Variants in DRC11 observed in about 807,000 individuals in gnomAD.
The protein encoded by DRC11 is dynein regulatory complex subunit 11, also known as IQ and AAA domain-containing protein 1.
chr2:236,333,795 G>A, the DRC11 span, among the ~76,000 whole-genome samples: 2 of 152,156 alleles, frequency 1.3e-5, no homozygotes, highest in Non-Finnish European at 2.9e-5. This position sits in a 1 kb window ranked among gnomAD's most constrained non-coding sequence, Gnocchi z 6.0. Flanking sequence ...GTAATCACTC[G>A]ATGAGTAGAG....
At chr2:236,327,035 T>A in the DRC11 span, among the ~76,000 whole-genome samples, 1 of 152,006 alleles carries the variant, frequency 6.6e-6, no homozygotes, top group Non-Finnish European at 1.5e-5. Context: ...TCATTTTGAA[T>A]GGGAAGTTTT....
chr2:236,354,572 C>T, the DRC11 span, among the ~76,000 whole-genome samples: 3 of 152,136 alleles, frequency 2.0e-5, no homozygotes, highest in Non-Finnish European at 2.9e-5. Context: ...TTGGAGAAGC[C>T]TGTGTGCAAA....
chr2:236,385,690 A>C, the DRC11 span, among the ~76,000 whole-genome samples: 1 of 7,672 alleles, frequency 1.3e-4, no homozygotes, highest in Non-Finnish European at 2.4e-4. Flanking sequence ...CAGAACTTCC[A>C]ACACTATGTT....
chr2:236,343,481 G>A, the DRC11 span, among the ~76,000 whole-genome samples: 22,876 of 152,248 alleles, frequency 0.15, 1,985 homozygotes, highest in Non-Finnish European at 0.21. The surrounding 1 kb of genome is among the most constrained non-coding windows in gnomAD (Gnocchi z 6.6). Context: ...CACACAGCCA[G>A]CTGTGTGAAT....
At chr2:236,357,203 A>ATATATCTATATATTATG in the DRC11 span, among the ~76,000 whole-genome samples, 3 of 110,368 alleles carry the variant, frequency 2.7e-5, no homozygotes, top group Admixed American at 3.2e-4. Flanking sequence ...ATTATAAATT[A>ATATATCTATATATTATG]TATTCATATA....
the DRC11 span, among the ~76,000 whole-genome samples, chr2:236,457,564 G>C: frequency 6.6e-6 from 1 of 152,190 alleles, no homozygotes; most frequent in Non-Finnish European, 1.5e-5. This position sits in a 1 kb window ranked among gnomAD's most constrained non-coding sequence, Gnocchi z 4.7. Context: ...GTCTGTAAAT[G>C]GTATCATATA....
chr2:236,503,583 A>ATTCAAAGCTG, the DRC11 span: 1 of 1,503,824 alleles, frequency 6.6e-7, no homozygotes, highest in Non-Finnish European at 9.1e-7. This position sits in a 1 kb window ranked among gnomAD's most constrained non-coding sequence, Gnocchi z 4.9. Context: ...TTCCCGGCTG[A>ATTCAAAGCTG]CAGGAAAATG....
the DRC11 span, among the ~76,000 whole-genome samples, chr2:236,335,139 A>G: frequency 6.6e-6 from 1 of 152,120 alleles, no homozygotes; most frequent in African/African-American, 2.4e-5. The surrounding 1 kb of genome is among the most constrained non-coding windows in gnomAD (Gnocchi z 5.6). Flanking sequence ...GGCCGCGGGG[A>G]CTGCTGCACA....
chr2:236,365,718 C>T, the DRC11 span, among the ~76,000 whole-genome samples: 1 of 151,992 alleles, frequency 6.6e-6, no homozygotes, highest in East Asian at 1.9e-4. The surrounding 1 kb of genome is among the most constrained non-coding windows in gnomAD (Gnocchi z 7.4). Context: ...CCAAGGTCAC[C>T]CAGAGAGGTG....
At chr2:236,330,439 G>A in the DRC11 span, among the ~76,000 whole-genome samples, 1 of 152,128 alleles carries the variant, frequency 6.6e-6, no homozygotes, top group East Asian at 1.9e-4. The surrounding 1 kb of genome is among the most constrained non-coding windows in gnomAD (Gnocchi z 5.5). Context: ...CAAGTTCTGT[G>A]CTAGACCATT....
the DRC11 span, among the ~76,000 whole-genome samples, chr2:236,310,626 G>A: frequency 6.6e-6 from 1 of 152,202 alleles, no homozygotes; most frequent in Non-Finnish European, 1.5e-5. The surrounding 1 kb of genome is among the most constrained non-coding windows in gnomAD (Gnocchi z 5.5). Flanking sequence ...CTTTCAGAGG[G>A]CCAGACAGGC....
chr2:236,388,134 T>C, the DRC11 span, among the ~76,000 whole-genome samples: 1 of 152,314 alleles, frequency 6.6e-6, no homozygotes, highest in East Asian at 1.9e-4. Context: ...CTCACGATTA[T>C]GTGTCTTGGA....
chr2:236,448,149 G>A, the DRC11 span, among the ~76,000 whole-genome samples: 3 of 152,170 alleles, frequency 2.0e-5, no homozygotes, highest in Non-Finnish European at 4.4e-5. The surrounding 1 kb of genome is among the most constrained non-coding windows in gnomAD (Gnocchi z 5.3). Context: ...AAACTGCAAA[G>A]AAAAACTGAG....
the DRC11 span, among the ~76,000 whole-genome samples, chr2:236,357,719 TAATATATAAATATACATATAATATGTA>T: frequency 9.5e-5 from 12 of 126,484 alleles, no homozygotes; most frequent in South Asian, 7.0e-4. Flanking sequence ...TATGTATTTA[TAATATATAAATATACATATAATATGTA>T]AATATATAAA....
the DRC11 span, among the ~76,000 whole-genome samples, chr2:236,449,551 A>C: frequency 6.6e-6 from 1 of 152,174 alleles, no homozygotes; most frequent in African/African-American, 2.4e-5. This position sits in a 1 kb window ranked among gnomAD's most constrained non-coding sequence, Gnocchi z 5.1. Context: ...GGGGCAGAGA[A>C]ACCTCCTTTG....
the DRC11 span, among the ~76,000 whole-genome samples, chr2:236,378,769 C>T: frequency 2.0e-5 from 3 of 151,954 alleles, no homozygotes; most frequent in Non-Finnish European, 4.4e-5. Flanking sequence ...GGCCCCTCTG[C>T]CCCCCAAATC....
the DRC11 span, among the ~76,000 whole-genome samples, chr2:236,392,639 G>A: frequency 9.7e-3 from 1,484 of 152,218 alleles, 46 homozygotes; most frequent in East Asian, 0.12. The surrounding 1 kb of genome is among the most constrained non-coding windows in gnomAD (Gnocchi z 5.1). Context: ...GTATTCTACT[G>A]TATTATTATA....
the DRC11 span, among the ~76,000 whole-genome samples, chr2:236,490,924 A>ATGAG: frequency 1.4e-5 from 2 of 147,482 alleles, no homozygotes; most frequent in African/African-American, 2.6e-5. The surrounding 1 kb of genome is among the most constrained non-coding windows in gnomAD (Gnocchi z 5.5). Flanking sequence ...GTGTATATAT[A>ATGAG]TGTGTATATA....
the DRC11 span, among the ~76,000 whole-genome samples, chr2:236,306,734 C>T: frequency 6.6e-6 from 1 of 152,142 alleles, no homozygotes; most frequent in Non-Finnish European, 1.5e-5. The surrounding 1 kb of genome is among the most constrained non-coding windows in gnomAD (Gnocchi z 5.9). Context: ...TGTCAGATCC[C>T]TCATTCTAAT....
Sources: gnomAD v4.1 joint callset for allele counts (sites outside exome capture counted in the v4.1 genomes callset) on GRCh38, gnomAD v4.1.1 for gene constraint, Gnocchi (gnomAD v3.1) non-coding constraint, MANE v1.5 for transcripts, NCBI Gene and HGNC (gene_info 2026-07-23, HGNC 2026-07-21) for gene names.